Variants in UNC79 observed in about 807,000 individuals in gnomAD.
UNC79 encodes the protein unc-79 subunit of NALCN channel complex, also known as protein unc-79 homolog.
Under a neutral mutation model 283.1 loss-of-function variants are expected in UNC79, and 37 were observed. That is an observed-to-expected ratio of 0.13 (90% CI 0.10 to 0.17). UNC79 has a LOEUF of 0.17. UNC79 is among the 10% of genes least tolerant of loss of function. UNC79 has a pLI of 1.00. For synonymous variants in UNC79, 1,107 were observed against 1,200.2 expected, an observed-to-expected ratio of 0.92 and a Z score of 1.61; for missense variants, 2,272 against 3,211.1, an observed-to-expected ratio of 0.71 and a Z score of 7.07.
intron 14 of UNC79, among the ~76,000 whole-genome samples, chr14:93,564,370 TGTTGGCATTTGAGAGATCA>T (rs1258327203): frequency 6.6e-6 from 1 of 152,124 alleles, no homozygotes; most frequent in Non-Finnish European, 1.5e-5. Context: ...TTGTAGAAGG[TGTTGGCATTTGAGAGATCA>T]GTTGGACATG....
At chr14:93,597,636 C>G in intron 24 of UNC79, 96 bp downstream of exon 24, 1 of 1,294,970 alleles carries the variant, frequency 7.7e-7, no homozygotes, top group Non-Finnish European at 1.0e-6. Context: ...GTTTGACCTG[C>G]TATAACAGAA....
chr14:93,622,399 C>T (rs773882042), exon 30 of UNC79: 8 of 1,614,038 alleles, frequency 5.0e-6, no homozygotes, highest in Admixed American at 1.7e-5. Flanking sequence ...ACCCTATGGA[C>T]GCCGAAGGAT....
At chr14:93,560,224 G>A (rs575929304) in intron 14 of UNC79, among the ~76,000 whole-genome samples, 52 of 152,252 alleles carry the variant, frequency 3.4e-4, no homozygotes, top group South Asian at 8.3e-4. Flanking sequence ...GCCCAAGGGG[G>A]TTCAGCGTAA....
chr14:93,618,407 G>A, intron 29 of UNC79, 53 bp downstream of exon 30: 1 of 1,476,444 alleles, frequency 6.8e-7, no homozygotes, highest in African/African-American at 1.4e-5. Flanking sequence ...ATAGATTTCT[G>A]GACAATGTTT....
At chr14:93,623,408 T>A (rs1364264850) in intron 30 of UNC79, among the ~76,000 whole-genome samples, 1 of 152,186 alleles carries the variant, frequency 6.6e-6, no homozygotes, top group African/African-American at 2.4e-5. Context: ...CACTTGGTGA[T>A]GAAGTTATCA....
At chr14:93,408,766 A>T (rs1350745955) in intron 1 of UNC79, among the ~76,000 whole-genome samples, 2 of 152,254 alleles carry the variant, frequency 1.3e-5, no homozygotes, top group East Asian at 1.9e-4. Flanking sequence ...AATGTACCAC[A>T]TTAAAGCAAG....
exon 26 of UNC79, chr14:93,603,338 G>A (rs1179332328): frequency 3.7e-6 from 6 of 1,614,190 alleles, no homozygotes; most frequent in South Asian, 3.3e-5. Context: ...AAGAGTGTAC[G>A]TTCCCTGAGG....
chr14:93,477,823 A>G lies in UNC79; in HGVS notation c.619+95A>G. 2.5e-6 allele frequency: 3 copies of G among 1,202,780 alleles called. No individual in the cohort carries two copies. The South Asian group carries it at 4.6e-5, about 19-fold the overall frequency. 74.5% of individuals were successfully genotyped at this position (1,202,780 alleles called of 1,614,324 possible). A position where few individuals can be genotyped will look rare whatever the true frequency, so the allele number is the denominator to read the frequency against. Reference sequence around the variant, plus strand: ...ATAGGCTCTAGTTTTTCGAGATTATAATGGAATCACTTGATATATACAGGA... The same window carrying G: ...ATAGGCTCTAGTTTTTCGAGATTATGATGGAATCACTTGATATATACAGGA... On this transcript the variant is annotated intron_variant, in intron 4 of 48. Coordinates refer to ENST00000555664, the Ensembl canonical transcript of UNC79.
intron 46 of UNC79, among the ~76,000 whole-genome samples, chr14:93,693,094 T>A (rs1200884366): frequency 2.6e-5 from 4 of 152,226 alleles, no homozygotes; most frequent in African/African-American, 9.6e-5. Flanking sequence ...GATGGTATAT[T>A]TCCTTTAGTG....
intron 37 of UNC79, among the ~76,000 whole-genome samples, chr14:93,654,656 A>G (rs762216166): frequency 6.6e-6 from 1 of 152,092 alleles, no homozygotes; most frequent in African/African-American, 2.4e-5. Flanking sequence ...ATAGAATTGC[A>G]TAGAATAGTG....
intron 1 of UNC79, among the ~76,000 whole-genome samples, chr14:93,416,884 C>T (rs1314066277): frequency 6.6e-6 from 1 of 152,128 alleles, no homozygotes; most frequent in East Asian, 1.9e-4. Flanking sequence ...GTAGATCTTC[C>T]TCCATCCTTT....
chr14:93,399,108 C>G (rs976592128), intron 1 of UNC79, among the ~76,000 whole-genome samples: 1 of 152,122 alleles, frequency 6.6e-6, no homozygotes, highest in Admixed American at 6.6e-5. Context: ...GAGGAACTGT[C>G]AAACACTTAT....
In UNC79 at chr14:93,381,475, A is replaced by G. The variant is rs575870947; in HGVS notation, c.-351+47952A>G. On this transcript the variant is annotated intron_variant, in intron 1 of 49. Transcript: ENST00000256339. Reference sequence around the variant, plus strand: ...AGGCTGTGTCTGGAGCTGCCCTGTCAGGGCTTTTGATGAAGAGTGAGCTGG... The same window carrying G: ...AGGCTGTGTCTGGAGCTGCCCTGTCGGGGCTTTTGATGAAGAGTGAGCTGG... Among the ~76,000 whole-genome samples, 3 of 152,356 alleles carry G rather than the reference A, an allele frequency of 2.0e-5. No individual in the cohort carries two copies. The South Asian group carries it at 6.2e-4, about 32-fold the overall frequency.
intron 42 of UNC79, among the ~76,000 whole-genome samples, chr14:93,685,465 G>A (rs578100512): frequency 6.6e-5 from 10 of 152,126 alleles, no homozygotes; most frequent in East Asian, 1.9e-4. Context: ...TGGAACGTAC[G>A]AAATGCTTGG....
chr14:93,489,214 A>C (rs1042415921), intron 5 of UNC79, among the ~76,000 whole-genome samples: 5 of 152,254 alleles, frequency 3.3e-5, no homozygotes, highest in African/African-American at 1.2e-4. Context: ...CTGGGATTAC[A>C]TGCATAAGCC....
intron 30 of UNC79, among the ~76,000 whole-genome samples, chr14:93,624,883 C>T (rs186954812): frequency 6.2e-4 from 94 of 152,214 alleles, no homozygotes; most frequent in African/African-American, 1.4e-3. Flanking sequence ...CCCTCCCAGA[C>T]GCACAGCCTT....
At chr14:93,483,905 T>C (rs1330281594) in intron 4 of UNC79, among the ~76,000 whole-genome samples, 2 of 152,234 alleles carry the variant, frequency 1.3e-5, no homozygotes, top group Non-Finnish European at 2.9e-5. Flanking sequence ...TTCCATGGTG[T>C]ATATGTGCCA....
intron 4 of UNC79, among the ~76,000 whole-genome samples, chr14:93,487,208 A>T (rs936303352): frequency 6.6e-6 from 1 of 152,244 alleles, no homozygotes; most frequent in Non-Finnish European, 1.5e-5. Flanking sequence ...GTTATACATT[A>T]TAATTAAACT....
intron 1 of UNC79, among the ~76,000 whole-genome samples, chr14:93,431,702 G>A (rs1162566856): frequency 2.6e-5 from 4 of 152,222 alleles, no homozygotes; most frequent in Non-Finnish European, 5.9e-5. Context: ...TTGTTCCAAA[G>A]AGCAGGCTTC....
Sources: gnomAD v4.1 joint callset for allele counts (sites outside exome capture counted in the v4.1 genomes callset) on GRCh38, gnomAD v4.1.1 for gene constraint, MANE v1.5 for transcripts, NCBI Gene and HGNC (gene_info 2026-07-23, HGNC 2026-07-21) for gene names.